Variants in PRKN observed in about 807,000 individuals in gnomAD.
The protein encoded by PRKN is E3 ubiquitin-protein ligase parkin.
In PRKN, 56 loss-of-function variants were observed where a neutral mutation model predicts 59.5. The ratio of observed to expected loss-of-function variants is 0.94; its 90% confidence interval spans 0.76 to 1.18. The LOEUF (loss-of-function observed/expected upper bound fraction) is 1.18, where lower values mean the gene tolerates loss of function less well. Among genes scored for constraint, PRKN ranks in the 50% most tolerant of loss-of-function variants. The pLI is 0.00. For missense variants in PRKN, 657 were observed against 596.4 expected (o/e 1.10, Z -1.06); for synonymous variants, 250 against 222.1 (o/e 1.13, Z -1.12).
chr6:161,409,509 T>C lies in PRKN; in HGVS notation c.1084-22632A>G, dbSNP rs9355347. On this transcript the variant is annotated intron_variant, in intron 9 of 11. Transcript: ENST00000366898. The surrounding 1 kb of genome is among the most constrained non-coding windows in gnomAD (Gnocchi z 4.6). Reference sequence around the variant, plus strand: ...GCCCCTTTCTCAGGACATAGACAAGTAGCTTTCCTACTGACAGCACCTCTC... The same window carrying C: ...GCCCCTTTCTCAGGACATAGACAAGCAGCTTTCCTACTGACAGCACCTCTC... Among the ~76,000 whole-genome samples the C allele has an allele frequency of 0.28, 42,655 of 152,058 alleles. 7,172 individuals are homozygous for C. Among genetic ancestry groups the C allele is most frequent in the East Asian group, 0.83 (4,298 of 5,156 alleles).
intron 5 of PRKN, among the ~76,000 whole-genome samples, chr6:162,040,586 TTTTTTGTA>T (rs1332176234): frequency 5.0e-4 from 74 of 147,784 alleles, no homozygotes; most frequent in African/African-American, 1.2e-3. Context: ...TTTTTTTTTT[TTTTTTGTA>T]TTTTTTTGTA....
chr6:162,041,437 A>G (rs1412958049), intron 5 of PRKN, among the ~76,000 whole-genome samples: 15 of 152,190 alleles, frequency 9.9e-5, no homozygotes, highest in Non-Finnish European at 2.9e-5. Flanking sequence ...GAGAGAGTAA[A>G]GACATTCCAT....
chr6:162,036,190 G>A (rs1403258732), intron 5 of PRKN, among the ~76,000 whole-genome samples: 2 of 151,548 alleles, frequency 1.3e-5, no homozygotes, highest in Non-Finnish European at 2.9e-5. Context: ...CGGGCGTGGT[G>A]GCGGGCGCCT....
intron 1 of PRKN, among the ~76,000 whole-genome samples, chr6:162,582,114 T>C (rs2846554): frequency 0.37 from 56,907 of 152,106 alleles, 11,596 homozygotes; most frequent in Non-Finnish European, 0.46. Flanking sequence ...AACATGAACA[T>C]ATAAATCTCT....
rs907234093 is a variant in PRKN at position 161,533,852 on chromosome 6, C to T, written c.1083+15002G>A. Among the ~76,000 whole-genome samples the T allele has an allele frequency of 3.3e-5, 5 of 152,002 alleles. No individual in the cohort carries two copies. The highest frequency in any genetic ancestry group is 7.3e-5 in the African/African-American group (3 of 41,358). ...GAGATAAGGAACCCTGGGGATTTAC[C>T]CTAGACTACGATGCTGCTTCACTAG... On this transcript the variant is annotated intron_variant, in intron 9 of 11. Coordinates refer to ENST00000366898, the MANE Select transcript of PRKN (RefSeq NM_004562.3). The surrounding 1 kb of genome is among the most constrained non-coding windows in gnomAD (Gnocchi z 4.1).
Position 162,278,013 on chromosome 6 carries a change from T to C in PRKN, c.172-15248A>G, listed in dbSNP as rs114849878. On this transcript the variant is annotated intron_variant, in intron 2 of 11. Coordinates refer to ENST00000366898, the MANE Select transcript of PRKN (RefSeq NM_004562.3). The stretch of plus-strand genomic sequence containing the variant: ...TTTATTCAGGATTGCCAAAATTCAA[T>C]GCAACCAACATGTTCTTCATCAGGT... Among the ~76,000 whole-genome samples, 622 of 152,274 alleles carry C rather than the reference T, an allele frequency of 4.1e-3. 4 individuals carry two copies. Among genetic ancestry groups the C allele is most frequent in the African/African-American group, 0.014 (600 of 41,550 alleles).
intron 3 of PRKN, among the ~76,000 whole-genome samples, chr6:162,258,615 C>T (rs1323530475): frequency 2.0e-5 from 3 of 152,192 alleles, no homozygotes; most frequent in African/African-American, 7.2e-5. Flanking sequence ...AGCACAGCCC[C>T]TGGGCCCGCG....
chr6:161,871,225 T>C (rs1035560318), intron 6 of PRKN, among the ~76,000 whole-genome samples: 2 of 152,176 alleles, frequency 1.3e-5, no homozygotes, highest in Non-Finnish European at 2.9e-5. Flanking sequence ...CATCACAGAA[T>C]GTTTCTTATT....
At chr6:161,733,807 T>TATAC (rs1236687024) in intron 7 of PRKN, among the ~76,000 whole-genome samples, 1 of 143,448 alleles carries the variant, frequency 7.0e-6, no homozygotes, top group South Asian at 2.1e-4. Flanking sequence ...TGTATATATA[T>TATAC]ATATATATAT....
intron 7 of PRKN, among the ~76,000 whole-genome samples, chr6:161,661,285 C>A (rs1435206581): frequency 1.3e-5 from 2 of 152,166 alleles, no homozygotes; most frequent in Non-Finnish European, 2.9e-5. Context: ...TTCTCTGCAC[C>A]CACCTTGCTC....
intron 6 of PRKN, among the ~76,000 whole-genome samples, chr6:161,934,106 C>T (rs1398652559): frequency 6.6e-6 from 1 of 152,186 alleles, no homozygotes; most frequent in African/African-American, 2.4e-5. Flanking sequence ...CACGGGGGCG[C>T]TTCGCCATGA....
chr6:162,396,600 C>G (rs1438236056), intron 2 of PRKN, among the ~76,000 whole-genome samples: 1 of 152,160 alleles, frequency 6.6e-6, no homozygotes, highest in Non-Finnish European at 1.5e-5. Flanking sequence ...CGAGCAGACC[C>G]ACTCTGGACC....
intron 9 of PRKN, among the ~76,000 whole-genome samples, chr6:161,537,601 G>C (rs754291906): frequency 8.6e-5 from 13 of 151,902 alleles, no homozygotes; most frequent in Non-Finnish European, 1.9e-4. Flanking sequence ...ACAGGCACCC[G>C]CCACCATGCT....
At chr6:162,351,996 C>A (rs1405337369) in intron 2 of PRKN, among the ~76,000 whole-genome samples, 1 of 152,104 alleles carries the variant, frequency 6.6e-6, no homozygotes, top group Non-Finnish European at 1.5e-5. Flanking sequence ...AGCTTTTGAG[C>A]CACCCCCTCC....
intron 9 of PRKN, among the ~76,000 whole-genome samples, chr6:161,532,819 C>A (rs1333028212): frequency 6.6e-6 from 1 of 152,058 alleles, no homozygotes; most frequent in African/African-American, 2.4e-5. Context: ...TCACTGTCCA[C>A]CCTTTATACC....
intron 1 of PRKN, among the ~76,000 whole-genome samples, chr6:162,482,317 G>T (rs1792346699): frequency 6.6e-6 from 1 of 152,058 alleles, no homozygotes; most frequent in South Asian, 2.1e-4. Context: ...AACTAACTTT[G>T]TGCAGTATTC....
At chr6:162,720,867 T>C (rs191906356) in intron 1 of PRKN, among the ~76,000 whole-genome samples, 91 of 152,300 alleles carry the variant, frequency 6.0e-4, no homozygotes, top group African/African-American at 2.0e-3. Context: ...CATTGTTCTC[T>C]CCACACAGAG....
At chr6:161,840,550 C>T (rs1365483018) in intron 6 of PRKN, among the ~76,000 whole-genome samples, 2 of 152,160 alleles carry the variant, frequency 1.3e-5, no homozygotes, top group African/African-American at 4.8e-5. Context: ...CATCACCAGG[C>T]ATTAAGCCTA....
chr6:161,470,854 C>T lies in PRKN; in HGVS notation c.1083+78000G>A, dbSNP rs1342869653. ...TGAGATTTGTGGGCTGGGTGTCTGC[C>T]TATGTGTGTGCAGAGAACCTTCTAG... is the stretch of plus-strand genomic sequence containing the variant. On this transcript the variant is annotated intron_variant, in intron 9 of 11. Transcript: ENST00000366898. The surrounding 1 kb of genome is among the most constrained non-coding windows in gnomAD (Gnocchi z 5.1). Among the ~76,000 whole-genome samples the T allele has an allele frequency of 6.6e-6, 1 of 152,090 alleles. No homozygotes were observed. The highest frequency in any genetic ancestry group is 1.5e-5 in the Non-Finnish European group (1 of 68,006).
Sources: allele counts gnomAD v4.1 joint callset (sites outside exome capture counted in the v4.1 genomes callset), GRCh38; gene constraint gnomAD v4.1.1; non-coding constraint Gnocchi (gnomAD v3.1); transcripts MANE v1.5; gene names NCBI Gene and HGNC (gene_info 2026-07-23, HGNC 2026-07-21).